RPS6KC1: variants seen among roughly 807,000 people sequenced by gnomAD.
RPS6KC1 encodes inactive ribosomal protein S6 kinase delta-1.
In RPS6KC1, 54 loss-of-function variants were observed where a neutral mutation model predicts 103.8. That is an observed-to-expected ratio of 0.52 (90% CI 0.42 to 0.65). The LOEUF is 0.65. Among genes scored for constraint, RPS6KC1 ranks in the 30% least tolerant of loss-of-function variants. The probability of loss-of-function intolerance (pLI) is 0.00; values close to 1 mark genes in which losing one functional copy is unlikely to be tolerated. For synonymous variants in RPS6KC1, 439 were observed against 438.7 expected, an observed-to-expected ratio of 1.00 and a Z score of -0.01; for missense variants, 1,151 against 1,253.8, an observed-to-expected ratio of 0.92 and a Z score of 1.24.
intron 8 of RPS6KC1, among the ~76,000 whole-genome samples, chr1:213,208,461 T>A (rs1162808184): frequency 6.6e-6 from 1 of 152,206 alleles, no homozygotes; most frequent in Non-Finnish European, 1.5e-5. Context: ...CACAGTGATG[T>A]TGTGGTGTGG....
the RPS6KC1 span, among the ~76,000 whole-genome samples, chr1:213,745,781 C>T: frequency 6.6e-6 from 1 of 152,190 alleles, no homozygotes; most frequent in South Asian, 2.1e-4. Flanking sequence ...TCCTCCCGCA[C>T]TTTGTCAACA....
At chr1:213,360,198 C>T in the RPS6KC1 span, among the ~76,000 whole-genome samples, 273 of 152,308 alleles carry the variant, frequency 1.8e-3, 1 homozygote, top group African/African-American at 6.4e-3. Context: ...GTACACCAAT[C>T]GGACGCAGAT....
At chr1:213,800,308 T>C in the RPS6KC1 span, among the ~76,000 whole-genome samples, 1 of 150,488 alleles carries the variant, frequency 6.6e-6, no homozygotes, top group Non-Finnish European at 1.5e-5. Flanking sequence ...CTAGAAGAAA[T>C]TCACATATTG....
the RPS6KC1 span, among the ~76,000 whole-genome samples, chr1:213,787,297 C>T: frequency 6.6e-6 from 1 of 150,660 alleles, no homozygotes; most frequent in Admixed American, 6.6e-5. Flanking sequence ...AGAGTAAGTA[C>T]TAAAAAAAAA....
the RPS6KC1 span, among the ~76,000 whole-genome samples, chr1:213,543,905 G>C: frequency 2.0e-5 from 3 of 152,272 alleles, no homozygotes; most frequent in African/African-American, 7.2e-5. Context: ...ATCTAACTTA[G>C]CTGCTAAACT....
the RPS6KC1 span, among the ~76,000 whole-genome samples, chr1:213,738,915 T>C: frequency 5.5e-4 from 82 of 150,238 alleles, no homozygotes; most frequent in Middle Eastern, 3.4e-3. Context: ...ACTGAAGAAA[T>C]GTCTAAGGAA....
At chr1:213,633,691 A>G in the RPS6KC1 span, among the ~76,000 whole-genome samples, 2 of 151,928 alleles carry the variant, frequency 1.3e-5, no homozygotes, top group Admixed American at 1.3e-4. Context: ...AAATTCACAC[A>G]TAACAATATT....
At chr1:213,158,389 C>T (rs2090128398) in intron 6 of RPS6KC1, among the ~76,000 whole-genome samples, 1 of 152,118 alleles carries the variant, frequency 6.6e-6, no homozygotes, top group Admixed American at 6.5e-5. Flanking sequence ...TTGATCAGAC[C>T]CACCTACAGC....
intron 1 of RPS6KC1, among the ~76,000 whole-genome samples, chr1:213,053,995 C>T (rs542427631): frequency 2.5e-4 from 38 of 152,108 alleles, no homozygotes; most frequent in Non-Finnish European, 5.0e-4. Flanking sequence ...TCCACCATAC[C>T]CGGCTAATTT....
At chr1:213,295,766 G>A in the RPS6KC1 span, among the ~76,000 whole-genome samples, 1 of 152,202 alleles carries the variant, frequency 6.6e-6, no homozygotes, top group African/African-American at 2.4e-5. Context: ...TGTCCAGTGA[G>A]AGGGATGTGT....
At position 213,160,997 on chromosome 1, in the gene RPS6KC1, TA is replaced by T. The variant is rs571599970; in HGVS notation, c.836-6853del. Among the ~76,000 whole-genome samples, 975 of 151,292 alleles carry T rather than the reference TA, an allele frequency of 6.4e-3. 12 individuals are homozygous for T. Among genetic ancestry groups the T allele is most frequent in the African/African-American group, 0.023 (929 of 41,272 alleles). On this transcript the variant is annotated intron_variant, in intron 6 of 14. Transcript: ENST00000366960. ...ATGTACCCTAGAACTTAAAGTATAA[TA>T]AAAAAAATAGTGGTGGCAAGTAATT...
At chr1:213,590,662 T>C in the RPS6KC1 span, among the ~76,000 whole-genome samples, 1 of 152,100 alleles carries the variant, frequency 6.6e-6, no homozygotes, top group Non-Finnish European at 1.5e-5. Context: ...AGTGAGCTGC[T>C]CTAGAAAGGA....
the RPS6KC1 span, among the ~76,000 whole-genome samples, chr1:213,508,413 C>A: frequency 6.6e-6 from 1 of 152,124 alleles, no homozygotes. Context: ...CATCTTGAAC[C>A]TTTATTAGCT....
At chr1:213,186,654 C>G (rs2092545047) in intron 8 of RPS6KC1, among the ~76,000 whole-genome samples, 1 of 152,128 alleles carries the variant, frequency 6.6e-6, no homozygotes, top group African/African-American at 2.4e-5. Context: ...TTTGAGTAAG[C>G]ATTCTAGCCC....
the RPS6KC1 span, among the ~76,000 whole-genome samples, chr1:213,493,131 T>C: frequency 6.6e-6 from 1 of 152,220 alleles, no homozygotes; most frequent in Non-Finnish European, 1.5e-5. Context: ...CATAGGAACA[T>C]CTGACTCCCT....
At chr1:213,278,311 G>C (rs980405621), downstream of RPS6KC1, among the ~76,000 whole-genome samples, 4 of 152,020 alleles carry the variant, frequency 2.6e-5, no homozygotes, top group Admixed American at 2.6e-4. Flanking sequence ...GACTGTAGAA[G>C]AATTGGAGCC....
At chr1:213,218,229 A>T (rs1187754545) in intron 8 of RPS6KC1, among the ~76,000 whole-genome samples, 1 of 151,994 alleles carries the variant, frequency 6.6e-6, no homozygotes, top group Non-Finnish European at 1.5e-5. Flanking sequence ...ATACACCAAT[A>T]ACAGACGGAG....
the RPS6KC1 span, among the ~76,000 whole-genome samples, chr1:213,803,757 T>C: frequency 6.6e-6 from 1 of 152,048 alleles, no homozygotes; most frequent in African/African-American, 2.4e-5. Context: ...AGGGAAAAAA[T>C]GACAGTGGGA....
At chr1:213,706,091 C>T in the RPS6KC1 span, among the ~76,000 whole-genome samples, 1 of 152,156 alleles carries the variant, frequency 6.6e-6, no homozygotes, top group Non-Finnish European at 1.5e-5. Flanking sequence ...GCCTTCCTGG[C>T]TGATGTCTCA....
Sources: allele counts gnomAD v4.1 joint callset (sites outside exome capture counted in the v4.1 genomes callset), GRCh38; gene constraint gnomAD v4.1.1; transcripts MANE v1.5; gene names NCBI Gene and HGNC (gene_info 2026-07-23, HGNC 2026-07-21).